The following PHYHIPL variants were observed in gnomAD, a reference collection of about 807,000 sequenced individuals.
PHYHIPL encodes the protein phytanoyl-CoA 2-hydroxylase interacting protein like.
Under a neutral mutation model 33.4 loss-of-function variants are expected in PHYHIPL, and 9 were observed. The ratio of observed to expected loss-of-function variants is 0.27; its 90% CI spans 0.16 to 0.47. The LOEUF is 0.47. Among genes scored for constraint, PHYHIPL ranks in the 20% least tolerant of loss-of-function variants. The probability of loss-of-function intolerance (pLI) is 0.99; values close to 1 mark genes in which losing one functional copy is unlikely to be tolerated. For missense variants in PHYHIPL, 365 were observed against 460.7 expected (o/e 0.79, Z 1.90); for synonymous variants, 153 against 154.1 (o/e 0.99, Z 0.05).
chr10:59,184,476 C>G (rs927390108), intron 1 of PHYHIPL, among the ~76,000 whole-genome samples: 1 of 151,982 alleles, frequency 6.6e-6, no homozygotes, highest in African/African-American at 2.4e-5. Flanking sequence ...TTATATATTT[C>G]CAGGGTTTTG....
chr10:59,190,749 A>G (rs571308905), intron 1 of PHYHIPL, among the ~76,000 whole-genome samples: 10 of 151,948 alleles, frequency 6.6e-5, no homozygotes, highest in African/African-American at 2.2e-4. Flanking sequence ...GTTTTTAAAA[A>G]TTACATTTAG....
At chr10:59,193,062 T>G (rs1187391149) in intron 1 of PHYHIPL, among the ~76,000 whole-genome samples, 3 of 152,134 alleles carry the variant, frequency 2.0e-5, no homozygotes, top group Admixed American at 6.6e-5. Flanking sequence ...GTGTTCTTCC[T>G]TCATCTTCCA....
intron 1 of PHYHIPL, among the ~76,000 whole-genome samples, chr10:59,229,773 C>T (rs1840024958): frequency 6.6e-6 from 1 of 152,138 alleles, no homozygotes; most frequent in Admixed American, 6.5e-5. Flanking sequence ...GTTACTTGAA[C>T]AGTTTGAACA....
chr10:59,232,782 G>A (rs959044803), intron 1 of PHYHIPL, among the ~76,000 whole-genome samples: 8 of 151,722 alleles, frequency 5.3e-5, no homozygotes, highest in Non-Finnish European at 1.2e-4. Context: ...AAAGTTTTTC[G>A]TTACTATTAC....
At position 59,244,562 on chromosome 10, in the gene PHYHIPL, C is replaced by CAAAAAAAAAAAA. The variant is rs71006239; in HGVS notation, c.597-482_597-471dup. On this transcript the variant is annotated intron_variant, in intron 4 of 4. Coordinates refer to ENST00000373880, the MANE Select transcript of PHYHIPL (RefSeq NM_032439.4). ...CTGGCAACAGAGTGAGACTCTGTCT[C>CAAAAAAAAAAAA]AAAAAAAAAAAAAAAAAAAAAAAAG... Among the ~76,000 whole-genome samples, 310 of 39,510 alleles carry CAAAAAAAAAAAA rather than the reference C, an allele frequency of 7.8e-3. 58 individuals carry two copies. The highest frequency in any genetic ancestry group is 0.012 in the Non-Finnish European group (247 of 20,988). 25.9% of individuals were successfully genotyped at this position (39,510 alleles called of 152,430 possible).
At chr10:59,185,940 C>G (rs1444343405) in intron 1 of PHYHIPL, among the ~76,000 whole-genome samples, 2 of 152,108 alleles carry the variant, frequency 1.3e-5, no homozygotes, top group Non-Finnish European at 2.9e-5. Context: ...TTGGTAGTTT[C>G]TTTTGCTGTG....
chr10:59,215,604 C>T lies in PHYHIPL; in HGVS notation c.107-18700C>T, dbSNP rs550409186. The stretch of plus-strand genomic sequence containing the variant: ...ACACTCTGGTGGGAAAAACAGATAA[C>T]GATATAAATAAATAGATAAAAACAC... On this transcript the variant is annotated intron_variant, in intron 1 of 4. Transcript: ENST00000373880. Among the ~76,000 whole-genome samples the T allele has an allele frequency of 1.5e-3, 231 of 151,550 alleles. 1 individual carries two copies. The highest frequency in any genetic ancestry group is 2.1e-3 in the Non-Finnish European group (142 of 67,790).
In PHYHIPL at chr10:59,216,907, C is replaced by G. The variant is rs1839630741; in HGVS notation, c.107-17397C>G. ...AGCGCAAACTATAGTCTCATTGATT[C>G]ATCTTTGAATCTTCTGGCACTTAGA... On this transcript the variant is annotated intron_variant, in intron 1 of 4. Transcript: ENST00000373880. Among the ~76,000 whole-genome samples, 4 of 152,100 alleles carry G rather than the reference C, an allele frequency of 2.6e-5. No homozygotes were observed. The South Asian group carries it at 8.3e-4, about 31-fold the overall frequency.
In PHYHIPL at chr10:59,237,996, G is replaced by C. The variant is rs1056554903; in HGVS notation, c.479-592G>C. Among the ~76,000 whole-genome samples, 18 of 151,872 alleles carry C rather than the reference G, an allele frequency of 1.2e-4. 1 individual carries two copies. The highest frequency in any genetic ancestry group is 5.3e-4 in the Admixed American group (8 of 15,210). On this transcript the variant is annotated intron_variant, in intron 3 of 4. Coordinates refer to ENST00000373880, the MANE Select transcript of PHYHIPL (RefSeq NM_032439.4). The stretch of plus-strand genomic sequence containing the variant: ...TATGTTGCCATGAGCAATTTAACTA[G>C]GTTTCTTCTGTTTAGAAATTCTTAC...
At chr10:59,184,934 A>G (rs1043789522) in intron 1 of PHYHIPL, among the ~76,000 whole-genome samples, 3 of 150,666 alleles carry the variant, frequency 2.0e-5, no homozygotes, top group African/African-American at 7.3e-5. Context: ...TTTGCTGAGA[A>G]TGATGGTTTC....
intron 1 of PHYHIPL, among the ~76,000 whole-genome samples, chr10:59,228,062 A>G (rs1839978827): frequency 6.6e-6 from 1 of 151,556 alleles, no homozygotes; most frequent in African/African-American, 2.4e-5. Flanking sequence ...GGGAATACAG[A>G]TTGGTAAAAA....
intron 4 of PHYHIPL, among the ~76,000 whole-genome samples, chr10:59,242,959 G>A (rs1354264501): frequency 1.3e-5 from 2 of 152,106 alleles, no homozygotes; most frequent in Admixed American, 1.3e-4. Context: ...AGAAGGAAAA[G>A]ACAAAGAGGG....
intron 1 of PHYHIPL, among the ~76,000 whole-genome samples, chr10:59,186,451 T>A (rs1393330101): frequency 1.3e-5 from 2 of 152,228 alleles, no homozygotes; most frequent in Non-Finnish European, 2.9e-5. Context: ...CAATGTGGGC[T>A]CTTTTTTGGT....
chr10:59,189,609 C>T (rs1838724789), intron 1 of PHYHIPL, among the ~76,000 whole-genome samples: 1 of 151,714 alleles, frequency 6.6e-6, no homozygotes, highest in African/African-American at 2.4e-5. Flanking sequence ...GAAAAAAGGA[C>T]ACAAAAATGG....
intron 3 of PHYHIPL, among the ~76,000 whole-genome samples, 189 bp from the exon 4 acceptor site, chr10:59,238,399 A>G (rs1840288754): frequency 6.6e-6 from 1 of 152,024 alleles, no homozygotes; most frequent in Non-Finnish European, 1.5e-5. Context: ...ATAAACCATA[A>G]CAAAAATATT....
At chr10:59,238,988 A>C (rs1044143383) in intron 4 of PHYHIPL, among the ~76,000 whole-genome samples, 1 of 151,934 alleles carries the variant, frequency 6.6e-6, no homozygotes, top group African/African-American at 2.4e-5. Context: ...CATTTCAGGT[A>C]CACACTCGTC....
chr10:59,183,693 G>C (rs982494562), intron 1 of PHYHIPL: 12 of 984,166 alleles, frequency 1.2e-5, no homozygotes, highest in Non-Finnish European at 1.4e-5. Flanking sequence ...AACCAAGAAC[G>C]TCATACTTGG....
At chr10:59,236,455 C>A in intron 2 of PHYHIPL, 28 bp from the exon 3 acceptor site, 1 of 1,343,600 alleles carries the variant, frequency 7.4e-7, no homozygotes, top group Non-Finnish European at 1.0e-6. Context: ...CCTCATTTTT[C>A]TCTCTCTCTT....
chr10:59,247,627 G>T lies in PHYHIPL; in HGVS notation c.*2036G>T. 1 of 1,613,214 alleles carries T rather than the reference G, an allele frequency of 6.2e-7. No individual in the cohort carries two copies. Among genetic ancestry groups the T allele is most frequent in the Middle Eastern group, 1.7e-4 (1 of 6,054 alleles). ...ATTTCCTGAACCTCAAATAGTTTTGGCCACATCTTGCTTGCTGATGAGGAC... is the reference window on the plus strand; with the variant it reads ...ATTTCCTGAACCTCAAATAGTTTTGTCCACATCTTGCTTGCTGATGAGGAC... On this transcript the variant is annotated 3_prime_UTR_variant, in exon 5 of 5. Transcript: ENST00000373880.
Sources: allele counts gnomAD v4.1 joint callset (sites outside exome capture counted in the v4.1 genomes callset), GRCh38; gene constraint gnomAD v4.1.1; transcripts MANE v1.5; gene names NCBI Gene and HGNC (gene_info 2026-07-23, HGNC 2026-07-21).